The following ABHD12 variants were observed in gnomAD, a reference collection of about 807,000 sequenced individuals.
The protein encoded by ABHD12 is lysophosphatidylserine lipase ABHD12.
Under a neutral mutation model 58.3 loss-of-function variants are expected in ABHD12, and 43 were observed. The observed-to-expected ratio is 0.74, with a 90% CI of 0.58 to 0.95. The LOEUF (loss-of-function observed/expected upper bound fraction) is 0.95. Among genes scored for constraint, ABHD12 ranks in the 40% least tolerant of loss-of-function variants. The probability of loss-of-function intolerance (pLI) is 0.00; values close to 1 mark genes in which losing one functional copy is unlikely to be tolerated. For synonymous variants in ABHD12, 219 were observed against 211.2 expected (o/e 1.04, Z -0.32); for missense variants, 539 against 537.2 (o/e 1.00, Z -0.03).
chr20:25,303,537 G>C lies in ABHD12; in HGVS notation c.1029+13C>G, dbSNP rs1374007001. 6.2e-7 allele frequency: 1 copy of C among 1,613,090 alleles called. No individual in the cohort carries two copies. The stretch of plus-strand genomic sequence containing the variant: ...AGATGCCAGCTACACCAGAGGCAGA[G>C]GCCAGGACCCACCTTTCTGCCAAGC... On this transcript the variant is annotated intron_variant, in intron 11 of 12. Transcript: ENST00000339157.
intron 6 of ABHD12, among the ~76,000 whole-genome samples, 160 bp downstream of exon 6, chr20:25,314,765 C>G (rs1207501137): frequency 6.6e-6 from 1 of 152,032 alleles, no homozygotes; most frequent in East Asian, 1.9e-4. Flanking sequence ...GCTCTCCTGA[C>G]AGCTCCATCA....
chr20:25,308,467 G>C lies in ABHD12; in HGVS notation c.777C>G (p.Leu259=). Residue 259 remains leucine, a synonymous_variant, in exon 8 of 13, where the codon CTC becomes CTG. Transcript: ENST00000339157. ...TGVATNLVRR[L]CERETPPDAL... is the part of the protein sequence containing the mutation. ...CAACAAGGCACTCACCTCGCTCACA[G>C]AGGCGCCGCACCAGATTTGTCGCCA... The C allele has an allele frequency of 6.2e-7, 1 of 1,611,926 alleles. No homozygotes were observed. The highest frequency in any genetic ancestry group is 8.5e-7 in the Non-Finnish European group (1 of 1,179,168).
chr20:25,331,451 A>G (rs1232710772), intron 2 of ABHD12, among the ~76,000 whole-genome samples: 1 of 152,188 alleles, frequency 6.6e-6, no homozygotes, highest in Non-Finnish European at 1.5e-5. Flanking sequence ...GGAAATACAG[A>G]GAACGCCACA....
intron 1 of ABHD12, among the ~76,000 whole-genome samples, chr20:25,349,080 T>A (rs2089561619): frequency 7.3e-6 from 1 of 136,692 alleles, no homozygotes; most frequent in Admixed American, 7.5e-5. Context: ...CGAGACTCCG[T>A]CTCAAAAAAA....
intron 1 of ABHD12, among the ~76,000 whole-genome samples, chr20:25,376,721 C>T (rs539968521): frequency 1.3e-5 from 2 of 152,300 alleles, no homozygotes; most frequent in Non-Finnish European, 1.5e-5. Context: ...CCCACAAGGA[C>T]TGGGATTTGT....
At chr20:25,334,251 T>C (rs1343149651) in intron 2 of ABHD12, among the ~76,000 whole-genome samples, 4 of 151,156 alleles carry the variant, frequency 2.6e-5, no homozygotes, top group Non-Finnish European at 5.9e-5. Context: ...TTACAAGGGA[T>C]GTGAAGGACC....
chr20:25,315,269 G>A, intron 5 of ABHD12, among the ~76,000 whole-genome samples: 1 of 152,094 alleles, frequency 6.6e-6, no homozygotes. Flanking sequence ...TCGTGCTGCA[G>A]GGCAGCCTCT....
intron 2 of ABHD12, among the ~76,000 whole-genome samples, chr20:25,328,507 T>C (rs1300834321): frequency 1.3e-5 from 2 of 152,200 alleles, no homozygotes; most frequent in Non-Finnish European, 2.9e-5. Flanking sequence ...CCGAGGACAC[T>C]GGGCTTCCAC....
chr20:25,301,639 T>C (rs1436798033), intron 12 of ABHD12, among the ~76,000 whole-genome samples: 1 of 152,228 alleles, frequency 6.6e-6, no homozygotes, highest in Non-Finnish European at 1.5e-5. Context: ...GCAACCTGCA[T>C]AGGGCCCAGG....
chr20:25,353,265 T>G (rs1017483531), intron 1 of ABHD12, among the ~76,000 whole-genome samples: 3 of 146,910 alleles, frequency 2.0e-5, no homozygotes, highest in Middle Eastern at 3.5e-3. Flanking sequence ...TTTGTTTCTG[T>G]TTTTTTTTTT....
chr20:25,359,451 CT>C (rs2089715752), intron 1 of ABHD12, among the ~76,000 whole-genome samples: 1 of 143,878 alleles, frequency 7.0e-6, no homozygotes, highest in Non-Finnish European at 1.5e-5. Context: ...AAAAACATTT[CT>C]ATTTCACTGT....
chr20:25,370,791 C>G (rs1004069202), intron 1 of ABHD12, among the ~76,000 whole-genome samples: 1 of 151,940 alleles, frequency 6.6e-6, no homozygotes, highest in Non-Finnish European at 1.5e-5. Context: ...GAAACGGTAT[C>G]TGGTACACAG....
At chr20:25,316,334 G>T (rs6083799) in intron 5 of ABHD12, among the ~76,000 whole-genome samples, 83,282 of 151,544 alleles carry the variant, frequency 0.55, 23,476 homozygotes, top group Admixed American at 0.61. Flanking sequence ...AATTTTTTTT[G>T]TATTTTTAGT....
At chr20:25,371,953 G>A (rs1013758869) in intron 1 of ABHD12, among the ~76,000 whole-genome samples, 1 of 152,108 alleles carries the variant, frequency 6.6e-6, no homozygotes, top group Non-Finnish European at 1.5e-5. Context: ...CATGCTTTCG[G>A]GGCATACGTG....
At chr20:25,387,079 AT>A (rs1281459443) in intron 1 of ABHD12, among the ~76,000 whole-genome samples, 2 of 152,122 alleles carry the variant, frequency 1.3e-5, no homozygotes, top group Admixed American at 6.5e-5. Context: ...ACCATTTTTT[AT>A]TTTAAAAACA....
Position 25,386,387 on chromosome 20 carries a change from T to C in ABHD12, c.191+4126A>G, listed in dbSNP as rs998497412. On this transcript the variant is annotated intron_variant, in intron 1 of 12. Transcript: ENST00000339157. ...CATTCTCCTACCTCAGCCTCCTGAG[T>C]AGCTGGGACTACAGGCGCCCGCCAC... Among the ~76,000 whole-genome samples the C allele has an allele frequency of 2.9e-4, 44 of 150,408 alleles. 1 individual carries two copies. Among genetic ancestry groups the C allele is most frequent in the Admixed American group, 2.6e-3 (40 of 15,172 alleles).
intron 4 of ABHD12, among the ~76,000 whole-genome samples, chr20:25,318,786 AAAAGCAGAAGAG>A: frequency 6.6e-6 from 1 of 152,316 alleles, no homozygotes; most frequent in South Asian, 2.1e-4. Flanking sequence ...TTGCTCTTTG[AAAAGCAGAAGAG>A]AAACCCTCTG....
At chr20:25,336,934 G>C (rs1286571350) in intron 2 of ABHD12, among the ~76,000 whole-genome samples, 2 of 152,198 alleles carry the variant, frequency 1.3e-5, no homozygotes, top group Non-Finnish European at 2.9e-5. Context: ...CTGTTTCTTG[G>C]TGCTAGACCT....
intron 1 of ABHD12, among the ~76,000 whole-genome samples, chr20:25,371,487 C>T (rs992581966): frequency 2.0e-5 from 3 of 152,206 alleles, no homozygotes; most frequent in Non-Finnish European, 4.4e-5. Flanking sequence ...TGATTCCTCC[C>T]AACATAACCC....
Sources: gnomAD v4.1 joint callset for allele counts (sites outside exome capture counted in the v4.1 genomes callset) on GRCh38, gnomAD v4.1.1 for gene constraint, MANE v1.5 for transcripts, NCBI Gene and HGNC (gene_info 2026-07-23, HGNC 2026-07-21) for gene names.